RGS14: variants seen among roughly 807,000 people sequenced by gnomAD.
RGS14 encodes regulator of G protein signaling 14.
A neutral mutation model predicts 63.8 loss-of-function variants in RGS14; 33 were observed. The ratio of observed to expected loss-of-function variants is 0.52; its 90% CI spans 0.39 to 0.69. RGS14 has a LOEUF of 0.69. Ranked by LOEUF, RGS14 falls within the 30% of genes least tolerant of loss-of-function variation. The pLI, the probability that RGS14 is intolerant of heterozygous loss-of-function variation, is 0.00. For missense variants in RGS14, 739 were observed against 742.9 expected, an observed-to-expected ratio of 0.99 and a Z score of 0.06; for synonymous variants, 296 against 320.9, an observed-to-expected ratio of 0.92 and a Z score of 0.83.
chr5:177,363,809 C>T (rs1164528625), intron 1 of RGS14, among the ~76,000 whole-genome samples: 2 of 152,136 alleles, frequency 1.3e-5, no homozygotes, highest in Non-Finnish European at 2.9e-5. Context: ...CAAATTTGAG[C>T]CTGCCTCCCA....
intron 1 of RGS14, among the ~76,000 whole-genome samples, chr5:177,360,428 G>T (rs552117518): frequency 8.5e-5 from 13 of 152,090 alleles, no homozygotes; most frequent in African/African-American, 3.1e-4. Context: ...AGCTGGGCAT[G>T]GTGGTATGCA....
Position 177,372,256 on chromosome 5 carries a change from C to CCACCGCCTTGTCCCTCAACAAGCT in RGS14, c.*186_*209dup, listed in dbSNP as rs1270038796. On this transcript the variant is annotated 3_prime_UTR_variant, in exon 15 of 15. Coordinates refer to ENST00000408923, the MANE Select transcript of RGS14 (RefSeq NM_006480.5). Reference sequence around the variant, plus strand: ...TCAGATGAGACACACCCCACAGCTGCCACCGCCTTGTCCCTCAACAAGCTC... The same window carrying CCACCGCCTTGTCCCTCAACAAGCT: ...TCAGATGAGACACACCCCACAGCTGCCACCGCCTTGTCCCTCAACAAGCTCACCGCCTTGTCCCTCAACAAGCTC... 1 of 617,992 alleles carries CCACCGCCTTGTCCCTCAACAAGCT rather than the reference C, an allele frequency of 1.6e-6. No homozygotes were observed. Among genetic ancestry groups the CCACCGCCTTGTCCCTCAACAAGCT allele is most frequent in the African/African-American group, 1.9e-5 (1 of 54,044 alleles). The allele number at this position is 617,992 out of a possible 1,614,324, so 38.3% of individuals were successfully genotyped here.
Position 177,358,064 on chromosome 5 carries a change from C to A in RGS14, c.40C>A (p.Arg14Ser), listed in dbSNP as rs754736388. 3.8e-5 allele frequency: 52 copies of A among 1,355,922 alleles called. No individual in the cohort carries two copies. The East Asian group carries it at 1.5e-3, about 38-fold the overall frequency. The allele number at this position is 1,355,922 out of a possible 1,614,324, so 84.0% of individuals were successfully genotyped here. A position where few individuals can be genotyped will look rare whatever the true frequency, so the allele number is the denominator to read the frequency against. ...CAAGCACCTGGGCGTCCCCAACGGG[C>A]GCATGGTGAGTGTGGGCTCCGGGCC... Reference protein sequence around the residue: ...KPKHLGVPNGRMVLAVSDGEL... With the variant: ...KPKHLGVPNGSMVLAVSDGEL... The change falls in exon 1 of 15, where the codon CGC (arginine) becomes AGC (serine). Residue 14 changes from arginine (R) to serine (S), a missense_variant. Physicochemically the swap from Arg to Ser is moderately radical, Grantham distance 110 (BLOSUM62 -1). Transcript: ENST00000408923. This position sits in a 1 kb window ranked among gnomAD's most constrained non-coding sequence, Gnocchi z 4.8.
chr5:177,370,335 G>A (rs1009314211), intron 9 of RGS14, among the ~76,000 whole-genome samples: 1 of 152,176 alleles, frequency 6.6e-6, no homozygotes, highest in African/African-American at 2.4e-5. Context: ...CAGCAGCTAC[G>A]TTTCTCGTAA....
chr5:177,364,043 A>G lies in RGS14; in HGVS notation c.46-1920A>G, dbSNP rs1762036133. Among the ~76,000 whole-genome samples, 1 of 152,116 alleles carries G rather than the reference A, an allele frequency of 6.6e-6. No homozygotes were observed. Among genetic ancestry groups the G allele is most frequent in the Admixed American group, 6.5e-5 (1 of 15,276 alleles). On this transcript the variant is annotated intron_variant, in intron 1 of 14. Coordinates refer to ENST00000408923, the MANE Select transcript of RGS14 (RefSeq NM_006480.5). The surrounding 1 kb of genome is among the most constrained non-coding windows in gnomAD (Gnocchi z 4.6). ...TAAAAATAATAATCATCATAATAAAACCTGAGAGGGCCAAGGTAATAGTAA... is the reference window on the plus strand; with the variant it reads ...TAAAAATAATAATCATCATAATAAAGCCTGAGAGGGCCAAGGTAATAGTAA...
chr5:177,366,993 G>A lies in RGS14; in HGVS notation c.442G>A (p.Ala148Thr), dbSNP rs1295506751. 7 of 1,613,072 alleles carry A rather than the reference G, an allele frequency of 4.3e-6. No individual in the cohort carries two copies. The Admixed American group carries it at 8.3e-5, about 19-fold the overall frequency. ...RQAWLGEEVL[A>T]EPRPDMFRAQ... ...GGCCTGGCTTGGCGAGGAGGTGCTGGCCGAGCCCCGGCCGGACATGTTTCG... is the reference window on the plus strand; with the variant it reads ...GGCCTGGCTTGGCGAGGAGGTGCTGACCGAGCCCCGGCCGGACATGTTTCG... The change falls in exon 5 of 15, where the codon GCC (alanine) becomes ACC (threonine). Residue 148 changes from alanine (A) to threonine (T), a missense_variant. Coordinates refer to ENST00000408923, the MANE Select transcript of RGS14 (RefSeq NM_006480.5).
rs1761913067 is a variant in RGS14 at position 177,359,605 on chromosome 5, TC to T, written c.45+1538del. Among the ~76,000 whole-genome samples, 1 of 152,156 alleles carries T rather than the reference TC, an allele frequency of 6.6e-6. No individual in the cohort carries two copies. The highest frequency in any genetic ancestry group is 1.5e-5 in the Non-Finnish European group (1 of 68,020). The stretch of plus-strand genomic sequence containing the variant: ...GGGTGCCCCAAGGTCTGCCCCCAGT[TC>T]CATCAAGCCCACAGACGCCCCGGCT... On this transcript the variant is annotated intron_variant, in intron 1 of 14. Coordinates refer to ENST00000408923, the MANE Select transcript of RGS14 (RefSeq NM_006480.5). The surrounding 1 kb of genome is among the most constrained non-coding windows in gnomAD (Gnocchi z 4.4).
intron 1 of RGS14, among the ~76,000 whole-genome samples, chr5:177,360,533 C>G (rs1472500766): frequency 7.6e-6 from 1 of 130,822 alleles, no homozygotes; most frequent in Non-Finnish European, 1.5e-5. Context: ...TCAGACTGCA[C>G]TGCAGTCTGG....
chr5:177,371,160 C>G lies in RGS14; in HGVS notation c.1255-5C>G. ...GTACCGCGGGCTGCTGACCTCTCCC[C>G]ACAGCCAGGCGAGAAACAGCCTCTG... On this transcript the variant is annotated splice_region_variant and splice_polypyrimidine_tract_variant and intron_variant, in intron 11 of 14. Coordinates refer to ENST00000408923, the MANE Select transcript of RGS14 (RefSeq NM_006480.5). The surrounding 1 kb of genome is among the most constrained non-coding windows in gnomAD (Gnocchi z 6.1). 6.2e-7 allele frequency: 1 copy of G among 1,610,362 alleles called. No homozygotes were observed.
chr5:177,364,000 G>C (rs191329060), intron 1 of RGS14, among the ~76,000 whole-genome samples: 26 of 152,324 alleles, frequency 1.7e-4, no homozygotes, highest in African/African-American at 5.8e-4. Flanking sequence ...CTTTTTAAAT[G>C]TGGAAAATAC....
intron 3 of RGS14, 48 bp from the exon 4 acceptor site, chr5:177,366,659 TC>T: frequency 6.4e-7 from 1 of 1,560,536 alleles, no homozygotes; most frequent in Admixed American, 1.7e-5. Flanking sequence ...CCCAGTTTGG[TC>T]TCTGTGTCTC....
In RGS14 at chr5:177,367,700, C is replaced by T; in HGVS notation, c.628-14C>T. ...GGGCCCAGCCCGGTGCCAGCGCCTC[C>T]CCTGTACCCACAGAAGCCGAAGCTG... On this transcript the variant is annotated splice_polypyrimidine_tract_variant and intron_variant, in intron 6 of 14. Transcript: ENST00000408923. 2 of 1,610,338 alleles carry T rather than the reference C, an allele frequency of 1.2e-6. No individual in the cohort carries two copies. Among genetic ancestry groups the T allele is most frequent in the South Asian group, 1.1e-5 (1 of 90,496 alleles).
intron 8 of RGS14, 90 bp from the exon 9 acceptor site, chr5:177,368,627 G>C: frequency 7.5e-7 from 1 of 1,340,886 alleles, no homozygotes; most frequent in African/African-American, 1.4e-5. Flanking sequence ...GTGCATGCTT[G>C]AGCCCCAGCA....
Position 177,364,489 on chromosome 5 carries a change from G to T in RGS14, c.46-1474G>T, listed in dbSNP as rs1762046783. On this transcript the variant is annotated intron_variant, in intron 1 of 14. Coordinates refer to ENST00000408923, the MANE Select transcript of RGS14 (RefSeq NM_006480.5). The surrounding 1 kb of genome is among the most constrained non-coding windows in gnomAD (Gnocchi z 4.6). ...AGGGGGGACTCGCCCCCCTCCGCTG[G>T]GCTGCCTGGCCCTGCCCTCCTCGCG... Among the ~76,000 whole-genome samples, 1 of 152,158 alleles carries T rather than the reference G, an allele frequency of 6.6e-6. No individual in the cohort carries two copies. The highest frequency in any genetic ancestry group is 2.4e-5 in the African/African-American group (1 of 41,438).
chr5:177,366,267 C>T lies in RGS14; in HGVS notation c.158C>T (p.Pro53Leu). Residue 53 changes from proline (P) to leucine (L), a missense_variant, in exon 3 of 15, where the codon CCC becomes CTC. By Grantham distance (98) the Pro-to-Leu change is moderately conservative. Coordinates refer to ENST00000408923, the MANE Select transcript of RGS14 (RefSeq NM_006480.5). ...IHSLPSGPSS[P>L]FPTEEQPVAS... ...AGCCTCCCCAGTGGTCCCAGCAGCC[C>T]CTTCCCAACCGAGGAGCAGCCTGTG... 3.2e-6 allele frequency: 5 copies of T among 1,575,510 alleles called. No individual in the cohort carries two copies. The highest frequency in any genetic ancestry group is 2.2e-4 in the Middle Eastern group (1 of 4,464).
In RGS14 at chr5:177,370,990, G is replaced by A. The variant is rs770662818; in HGVS notation, c.1213G>A (p.Glu405Lys). ...GCAGGAGGCGCTGCAGCCCATTCTG[G>A]AGAAGCACGGCTTGAGCCCGCTAGA... ...RLQEALQPIL[E>K]KHGLSPLEVV... The change falls in exon 11 of 15, where the codon GAG becomes AAG. Residue 405 changes from glutamate to lysine, a missense_variant. By Grantham distance (56) the Glu-to-Lys change is moderately conservative (BLOSUM62 1). Coordinates refer to ENST00000408923, the MANE Select transcript of RGS14 (RefSeq NM_006480.5). The A allele has an allele frequency of 1.4e-5, 23 of 1,605,350 alleles. No individual in the cohort carries two copies. The highest frequency in any genetic ancestry group is 1.9e-4 in the Middle Eastern group (1 of 5,170).
Position 177,358,113 on chromosome 5 carries a change from A to T in RGS14, c.45+44A>T. The T allele has an allele frequency of 7.7e-7, 1 of 1,303,380 alleles. No individual in the cohort carries two copies. The highest frequency in any genetic ancestry group is 9.9e-7 in the Non-Finnish European group (1 of 1,013,160). 80.7% of individuals were successfully genotyped at this position (1,303,380 alleles called of 1,614,324 possible). On this transcript the variant is annotated intron_variant, in intron 1 of 14. Transcript: ENST00000408923. This position sits in a 1 kb window ranked among gnomAD's most constrained non-coding sequence, Gnocchi z 4.8. ...CCAGGGCCACGAGGAGGGGGTGGGCACACCCAGGGTGGAGCCCAGGAGGCA... is the reference window on the plus strand; with the variant it reads ...CCAGGGCCACGAGGAGGGGGTGGGCTCACCCAGGGTGGAGCCCAGGAGGCA...
At position 177,364,080 on chromosome 5, in the gene RGS14, T is replaced by A. The variant is rs931108399; in HGVS notation, c.46-1883T>A. Reference sequence around the variant, plus strand: ...CAAGGTAATAGTAATTTCCCACATATCTGCAGACCGGATCTGGCCCACAGA... The same window carrying A: ...CAAGGTAATAGTAATTTCCCACATAACTGCAGACCGGATCTGGCCCACAGA... On this transcript the variant is annotated intron_variant, in intron 1 of 14. Coordinates refer to ENST00000408923, the MANE Select transcript of RGS14 (RefSeq NM_006480.5). This position sits in a 1 kb window ranked among gnomAD's most constrained non-coding sequence, Gnocchi z 4.6. Among the ~76,000 whole-genome samples, 6 of 152,162 alleles carry A rather than the reference T, an allele frequency of 3.9e-5. No homozygotes were observed. Among genetic ancestry groups the A allele is most frequent in the African/African-American group, 1.4e-4 (6 of 41,414 alleles).
intron 5 of RGS14, 32 bp downstream of exon 5, chr5:177,367,066 G>A (rs755254716): frequency 2.0e-5 from 32 of 1,583,542 alleles, no homozygotes; most frequent in Non-Finnish European, 2.7e-5. Flanking sequence ...GGCCTTGAAA[G>A]GGAGACAAAA....
Sources: allele counts gnomAD v4.1 joint callset (sites outside exome capture counted in the v4.1 genomes callset), GRCh38; gene constraint gnomAD v4.1.1; non-coding constraint Gnocchi (gnomAD v3.1); transcripts MANE v1.5; gene names NCBI Gene and HGNC (gene_info 2026-07-23, HGNC 2026-07-21).